MID1: variants seen among roughly 807,000 people sequenced by gnomAD.
MID1 encodes the protein E3 ubiquitin-protein ligase Midline-1.
MID1 carries 7 observed loss-of-function variants against 40.4 expected under a neutral mutation model. That is an observed-to-expected ratio of 0.17 (90% CI 0.10 to 0.33). The LOEUF (loss-of-function observed/expected upper bound fraction) is 0.33. Among genes scored for constraint, MID1 ranks in the 10% least tolerant of loss-of-function variants. MID1 has a pLI of 1.00. For synonymous variants in MID1, 229 were observed against 221.2 expected (o/e 1.04, Z -0.31); for missense variants, 367 against 558.5 (o/e 0.66, Z 3.46).
intron 1 of MID1, among the ~76,000 whole-genome samples, chrX:10,639,171 T>G (rs748951382): frequency 9.0e-6 from 1 of 111,623 alleles, no homozygotes; most frequent in Non-Finnish European, 1.9e-5. Context: ...CTTTGACGAG[T>G]TGAGAGAAGA....
At chrX:10,456,935 G>A (rs569532940) in intron 8 of MID1, among the ~76,000 whole-genome samples, 2 of 112,263 alleles carry the variant, frequency 1.8e-5, no homozygotes, top group South Asian at 7.5e-4. Flanking sequence ...GAGGCCGTAA[G>A]ATCTATTGGA....
At chrX:10,459,522 T>C in intron 8 of MID1, 124 bp downstream of exon 8, 1 of 770,873 alleles carries the variant, frequency 1.3e-6, no homozygotes, top group South Asian at 2.2e-5. Flanking sequence ...ACACTGGCTT[T>C]TTACTTGTTT....
At chrX:10,747,861 G>A (rs1034475793) in intron 1 of MID1, among the ~76,000 whole-genome samples, 2 of 112,394 alleles carry the variant, frequency 1.8e-5, no homozygotes, top group African/African-American at 6.5e-5. Flanking sequence ...GATTACACAT[G>A]CCTTCTAAAA....
At chrX:10,807,213 C>A (rs1365515945) in intron 1 of MID1, among the ~76,000 whole-genome samples, 1 of 110,682 alleles carries the variant, frequency 9.0e-6, no homozygotes, top group Non-Finnish European at 1.9e-5. Flanking sequence ...CCATTGCACT[C>A]CAGCCTGGGT....
intron 1 of MID1, among the ~76,000 whole-genome samples, chrX:10,702,957 C>T: frequency 8.9e-6 from 1 of 111,823 alleles, no homozygotes; most frequent in African/African-American, 3.3e-5. Flanking sequence ...TGCAGCGAGC[C>T]AGGAAGTGAG....
intron 7 of MID1, among the ~76,000 whole-genome samples, chrX:10,461,138 TACACACACAC>T (rs200040870): frequency 1.0e-5 from 1 of 96,810 alleles, no homozygotes; most frequent in Admixed American, 1.1e-4. Context: ...TATCTAAAGA[TACACACACAC>T]ACACACACAC....
chrX:10,565,870 C>T (rs1417047892), intron 2 of MID1, among the ~76,000 whole-genome samples: 1 of 103,691 alleles, frequency 9.6e-6, no homozygotes, highest in African/African-American at 3.6e-5. Context: ...AGCGCAGTGG[C>T]GCGATCTTGG....
intron 2 of MID1, among the ~76,000 whole-genome samples, chrX:10,558,731 T>C (rs1009040283): frequency 3.3e-4 from 37 of 112,746 alleles, no homozygotes; most frequent in African/African-American, 1.1e-3. Context: ...AAACACTTTA[T>C]TTTGCTCTCC....
intron 1 of MID1, among the ~76,000 whole-genome samples, chrX:10,788,862 G>A (rs1191253350): frequency 4.5e-5 from 5 of 112,358 alleles, no homozygotes; most frequent in Admixed American, 9.4e-5. Flanking sequence ...CGGATGTGGC[G>A]GCTTACGCCT....
chrX:10,445,914 AG>A lies in MID1; in HGVS notation c.*3453del, dbSNP rs1928015504. The A allele has an allele frequency of 9.0e-6, 1 of 111,602 alleles. No individual in the cohort carries two copies. Among genetic ancestry groups the A allele is most frequent in the South Asian group, 3.8e-4 (1 of 2,618 alleles). 9.2% of individuals were successfully genotyped at this position (111,602 alleles called of 1,213,427 possible). A position where few individuals can be genotyped will look rare whatever the true frequency, so the allele number is the denominator to read the frequency against. On this transcript the variant is annotated 3_prime_UTR_variant, in exon 10 of 10. Transcript: ENST00000317552. ...TATAATCAATGACAGGAAAAGTGAA[AG>A]GTTTTTATGAGAGTTTTGCATTAAA...
intron 1 of MID1, among the ~76,000 whole-genome samples, chrX:10,591,566 G>A (rs1230715747): frequency 8.9e-6 from 1 of 111,932 alleles, no homozygotes; most frequent in Non-Finnish European, 1.9e-5. Context: ...AAGGATGCTG[G>A]TGACTTCACC....
chrX:10,714,949 C>T (rs761285567), intron 1 of MID1, among the ~76,000 whole-genome samples: 4 of 112,434 alleles, frequency 3.6e-5, no homozygotes, highest in Non-Finnish European at 7.5e-5. Context: ...AATTTCACTC[C>T]AATCAAGACA....
chrX:10,692,381 G>A (rs528137701), intron 1 of MID1, among the ~76,000 whole-genome samples: 1 of 111,314 alleles, frequency 9.0e-6, no homozygotes, highest in South Asian at 3.8e-4. Flanking sequence ...AAGAATATAC[G>A]TTGAAATACT....
chrX:10,633,626 A>T lies in MID1; in HGVS notation c.-186-13207T>A, dbSNP rs181786132. On this transcript the variant is annotated intron_variant, in intron 1 of 10. Transcript: ENST00000380785. ...ACCACCATGCCTGGCTAATTTTTAA[A>T]TTTTTTTTGTAGAGGCAGGGTCTCC... Among the ~76,000 whole-genome samples, 12 of 109,376 alleles carry T rather than the reference A, an allele frequency of 1.1e-4. No individual in the cohort carries two copies. The East Asian group carries it at 1.4e-3, about 13-fold the overall frequency. The allele number at this position is 109,376 out of a possible 115,157, so 95.0% of individuals were successfully genotyped here. A position where few individuals can be genotyped will look rare whatever the true frequency, so the allele number is the denominator to read the frequency against.
chrX:10,627,004 C>T (rs1037481742), intron 1 of MID1, among the ~76,000 whole-genome samples: 1 of 111,685 alleles, frequency 9.0e-6, no homozygotes, highest in Non-Finnish European at 1.9e-5. Flanking sequence ...AGATATTTGC[C>T]AGTTGAAAGT....
intron 1 of MID1, among the ~76,000 whole-genome samples, chrX:10,771,287 T>C (rs1186011064): frequency 9.1e-6 from 1 of 110,477 alleles, no homozygotes; most frequent in Non-Finnish European, 1.9e-5. Flanking sequence ...GACTAATATA[T>C]AGTTTCTCAA....
chrX:10,742,361 T>C (rs1344020738), intron 1 of MID1, among the ~76,000 whole-genome samples: 1 of 111,796 alleles, frequency 8.9e-6, no homozygotes, highest in Non-Finnish European at 1.9e-5. Flanking sequence ...AGGGTCTTAA[T>C]GAAAACAAAC....
intron 1 of MID1, among the ~76,000 whole-genome samples, chrX:10,767,312 ATTTC>A (rs199553548): frequency 0.041 from 4,480 of 108,685 alleles, 227 homozygotes; most frequent in African/African-American, 0.14. Flanking sequence ...TAGCCTTTTG[ATTTC>A]TTTCTTTCTT....
chrX:10,809,311 C>G (rs955562741), intron 1 of MID1, among the ~76,000 whole-genome samples: 30 of 111,603 alleles, frequency 2.7e-4, no homozygotes, highest in Non-Finnish European at 4.9e-4. Flanking sequence ...GAAATAGGAA[C>G]ACTTTTACAC....
Sources: gnomAD v4.1 joint callset for allele counts (sites outside exome capture counted in the v4.1 genomes callset) on GRCh38, gnomAD v4.1.1 for gene constraint, MANE v1.5 for transcripts, NCBI Gene and HGNC (gene_info 2026-07-23, HGNC 2026-07-21) for gene names.